Variants in DLGAP1 observed in about 807,000 individuals in gnomAD.
DLGAP1 encodes the protein disks large-associated protein 1.
Under a neutral mutation model 90.8 loss-of-function variants are expected in DLGAP1, and 11 were observed. That is an observed-to-expected ratio of 0.12 (90% CI 0.08 to 0.20). The LOEUF (loss-of-function observed/expected upper bound fraction) is 0.20. Among genes scored for constraint, DLGAP1 ranks in the 10% least tolerant of loss-of-function variants. The pLI is 1.00. For synonymous variants in DLGAP1, 558 were observed against 540.7 expected, an observed-to-expected ratio of 1.03 and a Z score of -0.44; for missense variants, 1,050 against 1,333.8, an observed-to-expected ratio of 0.79 and a Z score of 3.31.
At chr18:3,918,909 G>A (rs969755883) in intron 3 of DLGAP1, among the ~76,000 whole-genome samples, 1 of 152,106 alleles carries the variant, frequency 6.6e-6, no homozygotes, top group African/African-American at 2.4e-5. Context: ...GAGATGCGTA[G>A]CTTAGGAACC....
At chr18:3,772,120 C>CT (rs980476068) in intron 5 of DLGAP1, among the ~76,000 whole-genome samples, 9 of 150,950 alleles carry the variant, frequency 6.0e-5, no homozygotes, top group African/African-American at 2.2e-4. Context: ...TCTTTCCTTT[C>CT]TTTCTTTTCT....
At chr18:3,704,495 G>T (rs553297589) in intron 7 of DLGAP1, among the ~76,000 whole-genome samples, 1 of 151,894 alleles carries the variant, frequency 6.6e-6, no homozygotes, top group Non-Finnish European at 1.5e-5. Flanking sequence ...GCTTGAACCC[G>T]GGAGGCAGAG....
At chr18:3,920,633 C>T (rs927462783) in intron 3 of DLGAP1, among the ~76,000 whole-genome samples, 2 of 152,142 alleles carry the variant, frequency 1.3e-5, no homozygotes. Context: ...TTGCCTTGCA[C>T]TTGGCGTTCA....
chr18:3,618,993 A>G (rs936850929), intron 7 of DLGAP1, among the ~76,000 whole-genome samples: 2 of 152,058 alleles, frequency 1.3e-5, no homozygotes, highest in African/African-American at 4.8e-5. Flanking sequence ...TCATAATCCA[A>G]TATGACTGGC....
At chr18:3,748,172 A>AT (rs957284822) in intron 5 of DLGAP1, among the ~76,000 whole-genome samples, 33 of 152,308 alleles carry the variant, frequency 2.2e-4, no homozygotes, top group African/African-American at 4.8e-4. Flanking sequence ...GGAGATTTTG[A>AT]TTTTTTGGGC....
chr18:3,775,947 G>C lies in DLGAP1; in HGVS notation c.1173-33435C>G, dbSNP rs1204056110. ...TCTAGATCTAGTAAATGGTAAAGGTGCAGCTTGAACTCACGTCCTTGGAAT... is the reference window on the plus strand; with the variant it reads ...TCTAGATCTAGTAAATGGTAAAGGTCCAGCTTGAACTCACGTCCTTGGAAT... On this transcript the variant is annotated intron_variant, in intron 5 of 12. Transcript: ENST00000315677. The surrounding 1 kb of genome is among the most constrained non-coding windows in gnomAD (Gnocchi z 4.9). Among the ~76,000 whole-genome samples, 1 of 152,160 alleles carries C rather than the reference G, an allele frequency of 6.6e-6. No individual in the cohort carries two copies. Among genetic ancestry groups the C allele is most frequent in the South Asian group, 2.1e-4 (1 of 4,830 alleles).
chr18:4,247,795 T>C lies in DLGAP1; in HGVS notation c.-266-96508A>G, dbSNP rs550313640. Among the ~76,000 whole-genome samples the C allele has an allele frequency of 3.6e-4, 55 of 152,162 alleles. 1 individual carries two copies. The South Asian group carries it at 6.0e-3, about 17-fold the overall frequency. On this transcript the variant is annotated intron_variant, in intron 1 of 12. Coordinates refer to ENST00000315677, the MANE Select transcript of DLGAP1 (RefSeq NM_004746.4). ...CCATCTTAAAAAAAAAGTTATCCCA[T>C]ATATTTTTCACAGCAAGGTTTGGGA...
intron 5 of DLGAP1, among the ~76,000 whole-genome samples, chr18:3,806,233 A>G (rs1179395125): frequency 2.6e-5 from 4 of 152,234 alleles, no homozygotes; most frequent in Non-Finnish European, 5.9e-5. Flanking sequence ...AACAAAAACA[A>G]AAAGAAACAA....
chr18:3,633,513 G>A (rs2058595495), intron 7 of DLGAP1, among the ~76,000 whole-genome samples: 1 of 152,082 alleles, frequency 6.6e-6, no homozygotes. Flanking sequence ...GTGGAAGGTG[G>A]GGATTTCTGC....
chr18:3,825,998 C>G (rs1451141864), intron 4 of DLGAP1, among the ~76,000 whole-genome samples: 1 of 152,160 alleles, frequency 6.6e-6, no homozygotes, highest in Non-Finnish European at 1.5e-5. Flanking sequence ...AGCTGGAAGC[C>G]ATTATCCTAA....
intron 7 of DLGAP1, among the ~76,000 whole-genome samples, chr18:3,665,810 C>A (rs1416616502): frequency 6.6e-6 from 1 of 152,196 alleles, no homozygotes; most frequent in Non-Finnish European, 1.5e-5. Context: ...AGGCTCTGCC[C>A]ATTTCCACTT....
At chr18:3,710,036 G>C (rs1309337087) in intron 7 of DLGAP1, among the ~76,000 whole-genome samples, 1 of 152,186 alleles carries the variant, frequency 6.6e-6, no homozygotes, top group Non-Finnish European at 1.5e-5. Flanking sequence ...ATTTAAAATA[G>C]GGAGCTGCTA....
intron 2 of DLGAP1, among the ~76,000 whole-genome samples, chr18:4,114,050 C>T (rs547419386): frequency 1.3e-4 from 17 of 127,602 alleles, no homozygotes; most frequent in African/African-American, 5.0e-4. Flanking sequence ...AATGTGATGC[C>T]TCTGGCTTTT....
At position 3,581,957 on chromosome 18, in the gene DLGAP1, G is replaced by C; in HGVS notation, c.1883C>G (p.Thr628Arg). 6.2e-7 allele frequency: 1 copy of C among 1,614,056 alleles called. No individual in the cohort carries two copies. Among genetic ancestry groups the C allele is most frequent in the Non-Finnish European group, 8.5e-7 (1 of 1,179,996 alleles). ...CGTGGTGACGGTGGCTATGGTAGTC[G>C]TGGTGGTGACGGTGGCAGTGTTATT... ...MGNNTATVTTTTTIATVTTED... is the reference protein window; with the variant it reads ...MGNNTATVTTRTTIATVTTED... Residue 628 changes from threonine to arginine, a missense_variant, in exon 8 of 13, where the codon ACG becomes AGG. Transcript: ENST00000315677.
chr18:4,407,666 G>A (rs369369423), intron 1 of DLGAP1, among the ~76,000 whole-genome samples: 1 of 152,002 alleles, frequency 6.6e-6, no homozygotes, highest in East Asian at 1.9e-4. Flanking sequence ...ATCACTTCAG[G>A]TCAGGAGTTC....
intron 3 of DLGAP1, among the ~76,000 whole-genome samples, chr18:4,000,870 T>C (rs1236162448): frequency 6.6e-6 from 1 of 152,226 alleles, no homozygotes; most frequent in African/African-American, 2.4e-5. Flanking sequence ...GTCAATAGTT[T>C]TAGTAGACTG....
chr18:4,313,390 G>A (rs570058740), intron 1 of DLGAP1, among the ~76,000 whole-genome samples: 15 of 152,248 alleles, frequency 9.9e-5, no homozygotes, highest in Admixed American at 9.2e-4. Context: ...CCTGTTTGAG[G>A]AGAAGAGAAG....
chr18:4,384,422 T>C (rs1429607602), intron 1 of DLGAP1, among the ~76,000 whole-genome samples: 3 of 152,184 alleles, frequency 2.0e-5, no homozygotes, highest in Non-Finnish European at 4.4e-5. Context: ...TGTGGAACCA[T>C]CCAGTCCACT....
intron 7 of DLGAP1, among the ~76,000 whole-genome samples, chr18:3,622,871 C>G (rs995983824): frequency 6.6e-6 from 1 of 152,012 alleles, no homozygotes; most frequent in Admixed American, 6.6e-5. Flanking sequence ...GTGGCACAAT[C>G]TTGGCTCATT....
Sources: allele counts gnomAD v4.1 joint callset (sites outside exome capture counted in the v4.1 genomes callset), GRCh38; gene constraint gnomAD v4.1.1; non-coding constraint Gnocchi (gnomAD v3.1); transcripts MANE v1.5; gene names NCBI Gene and HGNC (gene_info 2026-07-23, HGNC 2026-07-21).